Variants in ACTR5 observed in about 807,000 individuals in gnomAD.
The protein encoded by ACTR5 is actin-related protein 5.
A neutral mutation model predicts 61.2 loss-of-function variants in ACTR5; 43 were observed. The observed-to-expected ratio is 0.70, with a 90% CI of 0.55 to 0.91. The LOEUF is 0.91. Ranked by LOEUF, ACTR5 falls within the 40% of genes least tolerant of loss-of-function variation. The probability of loss-of-function intolerance (pLI) is 0.00; values close to 1 mark genes in which losing one functional copy is unlikely to be tolerated. For missense variants in ACTR5, 798 were observed against 782.2 expected (o/e 1.02, Z -0.24); for synonymous variants, 333 against 310.5 (o/e 1.07, Z -0.76).
At chr20:38,752,322 T>C (rs1221460773) in intron 3 of ACTR5, 22 bp downstream of exon 3, 34 of 1,575,802 alleles carry the variant, frequency 2.2e-5, no homozygotes, top group Non-Finnish European at 2.9e-5. Context: ...GATGTTTGCC[T>C]GCAGCTTTTG....
intron 5 of ACTR5, among the ~76,000 whole-genome samples, chr20:38,759,959 G>A (rs1377926581): frequency 2.6e-5 from 4 of 151,628 alleles, no homozygotes; most frequent in Admixed American, 1.3e-4. Context: ...TGTGCCCAGC[G>A]CTTTGAGACC....
In ACTR5 at chr20:38,771,945, C is replaced by T; in HGVS notation, c.*129C>T. The T allele has an allele frequency of 1.5e-6, 2 of 1,340,434 alleles. No individual in the cohort carries two copies. The highest frequency in any genetic ancestry group is 2.0e-6 in the Non-Finnish European group (2 of 1,006,202). 83.0% of individuals were successfully genotyped at this position (1,340,434 alleles called of 1,614,324 possible). A position where few individuals can be genotyped will look rare whatever the true frequency, so the allele number is the denominator to read the frequency against. The stretch of plus-strand genomic sequence containing the variant: ...TCACATTTGGCAGCAAAATGGATTT[C>T]TCCTGGGGAGAACAAAGTTAAGGGA... On this transcript the variant is annotated 3_prime_UTR_variant, in exon 9 of 9. Transcript: ENST00000243903.
chr20:38,753,873 C>CTTTTTTTTCTT (rs1161339872), intron 3 of ACTR5, among the ~76,000 whole-genome samples: 7,620 of 116,498 alleles, frequency 0.065, 237 homozygotes, highest in Admixed American at 0.1. Flanking sequence ...GTTATTCGAG[C>CTTTTTTTTCTT]TTTTTTTTTT....
At chr20:38,750,279 GCATTCAGGAAA>G in intron 2 of ACTR5, 40 bp downstream of exon 2, 1 of 1,553,892 alleles carries the variant, frequency 6.4e-7, no homozygotes, top group Non-Finnish European at 8.9e-7. Context: ...ATTTTGAGAA[GCATTCAGGAAA>G]CATTTATTTA....
At chr20:38,769,753 A>G (rs2084509307) in intron 8 of ACTR5, among the ~76,000 whole-genome samples, 1 of 152,078 alleles carries the variant, frequency 6.6e-6, no homozygotes, top group African/African-American at 2.4e-5. Flanking sequence ...TTGGGAGGGT[A>G]GTGATGTTAA....
intron 1 of ACTR5, 76 bp downstream of exon 1, chr20:38,748,929 C>T (rs1421998019): frequency 2.7e-6 from 4 of 1,504,146 alleles, no homozygotes; most frequent in Admixed American, 2.1e-5. Flanking sequence ...ACTCTGCTCT[C>T]GGAGAGGTAA....
chr20:38,755,255 G>T, intron 4 of ACTR5, 81 bp downstream of exon 4: 1 of 1,408,172 alleles, frequency 7.1e-7, no homozygotes, highest in Non-Finnish European at 9.5e-7. Context: ...TTTTCCATTG[G>T]CCTTAAGATG....
In ACTR5 at chr20:38,750,183, G is replaced by C; in HGVS notation, c.549G>C (p.Gly183=). 1 of 1,614,214 alleles carries C rather than the reference G, an allele frequency of 6.2e-7. No homozygotes were observed. The highest frequency in any genetic ancestry group is 8.5e-7 in the Non-Finnish European group (1 of 1,180,046). The change falls in exon 2 of 9, where the codon GGG becomes GGC. Residue 183 remains glycine, a synonymous_variant. Transcript: ENST00000243903. ...HNKPKNSMCS[G]LIISSGYQCT... ...AGCCAAAGAACTCGATGTGCAGTGG[G>C]CTAATCATTTCATCTGGATACCAGT...
intron 3 of ACTR5, among the ~76,000 whole-genome samples, chr20:38,753,324 A>G (rs1435617563): frequency 6.6e-6 from 1 of 152,120 alleles, no homozygotes; most frequent in Non-Finnish European, 1.5e-5. Flanking sequence ...TTGATTACAT[A>G]TGCTTTCTCT....
chr20:38,750,723 G>C (rs2084382624), intron 2 of ACTR5, among the ~76,000 whole-genome samples: 1 of 152,000 alleles, frequency 6.6e-6, no homozygotes, highest in Non-Finnish European at 1.5e-5. Context: ...CCGCCTCCCG[G>C]GTTCAATTGA....
chr20:38,763,828 T>A (rs1474065360), intron 5 of ACTR5, among the ~76,000 whole-genome samples: 1 of 152,222 alleles, frequency 6.6e-6, no homozygotes, highest in South Asian at 2.1e-4. Context: ...CAAGGTTCTT[T>A]AGATTCGTGT....
At chr20:38,765,902 GGA>G (rs1388650785) in intron 6 of ACTR5, among the ~76,000 whole-genome samples, 15 of 152,184 alleles carry the variant, frequency 9.9e-5, no homozygotes, top group African/African-American at 3.6e-4. Context: ...GACCCACCTG[GGA>G]GAGAGCTTCC....
chr20:38,767,715 C>G (rs1161165387), intron 8 of ACTR5, 119 bp downstream of exon 8: 4 of 1,145,602 alleles, frequency 3.5e-6, no homozygotes, highest in Non-Finnish European at 4.9e-6. Flanking sequence ...TTCTTCTGGT[C>G]TTAAGTCCAT....
In ACTR5 at chr20:38,766,270, A is replaced by C; in HGVS notation, c.1326A>C (p.Leu442=). Residue 442 remains leucine (L), a synonymous_variant, in exon 7 of 9, where the codon CTA becomes CTC. Transcript: ENST00000243903. Reference sequence around the variant, plus strand: ...TTAACTTGGCAGCATATCATCAGCTATTTGTTGGGACAGAAAGAATTCGAG... The same window carrying C: ...TTAACTTGGCAGCATATCATCAGCTCTTTGTTGGGACAGAAAGAATTCGAG... The part of the protein sequence containing the change: ...PVFNLAAYHQ[L]FVGTERIRAP... 1.2e-6 allele frequency: 2 copies of C among 1,613,662 alleles called. No individual in the cohort carries two copies. The highest frequency in any genetic ancestry group is 2.7e-5 in the African/African-American group (2 of 75,042).
chr20:38,752,577 A>G (rs1337271852), intron 3 of ACTR5, among the ~76,000 whole-genome samples: 1 of 152,236 alleles, frequency 6.6e-6, no homozygotes, highest in Non-Finnish European at 1.5e-5. Context: ...AGCAGAACAT[A>G]TCAGACTAAA....
At chr20:38,752,351 T>C in intron 3 of ACTR5, 51 bp downstream of exon 3, 1 of 1,524,168 alleles carries the variant, frequency 6.6e-7, no homozygotes, top group Non-Finnish European at 8.8e-7. Flanking sequence ...CTACCTTGTA[T>C]TCCTTAAATT....
At chr20:38,767,741 C>T in intron 8 of ACTR5, 145 bp downstream of exon 8, 5 of 892,692 alleles carry the variant, frequency 5.6e-6, no homozygotes, top group Non-Finnish European at 8.2e-6. Flanking sequence ...ATTTTTAAAG[C>T]AAAATGGGAA....
At position 38,771,878 on chromosome 20, in the gene ACTR5, A is replaced by G. The variant is rs1210743637; in HGVS notation, c.*62A>G. On this transcript the variant is annotated 3_prime_UTR_variant, in exon 9 of 9. Coordinates refer to ENST00000243903, the MANE Select transcript of ACTR5 (RefSeq NM_024855.4). ...CCTTGGGCCACGTTGGCAGTGTGAC[A>G]GGACTGTGATTGTGCTAGATGTACC... The G allele has an allele frequency of 1.9e-6, 3 of 1,543,808 alleles. No homozygotes were observed. The highest frequency in any genetic ancestry group is 2.6e-6 in the Non-Finnish European group (3 of 1,149,418).
chr20:38,751,522 C>T (rs1432675752), intron 2 of ACTR5, among the ~76,000 whole-genome samples: 1 of 152,188 alleles, frequency 6.6e-6, no homozygotes, highest in African/African-American at 2.4e-5. Flanking sequence ...ATATCGTGTT[C>T]TATGCTGGCA....
Sources: gnomAD v4.1 joint callset for allele counts (sites outside exome capture counted in the v4.1 genomes callset) on GRCh38, gnomAD v4.1.1 for gene constraint, MANE v1.5 for transcripts, NCBI Gene and HGNC (gene_info 2026-07-23, HGNC 2026-07-21) for gene names.